GABRG2: variants seen among roughly 807,000 people sequenced by gnomAD.
GABRG2 encodes the protein gamma-aminobutyric acid receptor subunit gamma-2.
GABRG2 carries 16 observed loss-of-function variants against 56.4 expected under a neutral mutation model. The ratio of observed to expected loss-of-function variants is 0.28; its 90% CI spans 0.19 to 0.43. The LOEUF (loss-of-function observed/expected upper bound fraction) is 0.43, where lower values mean the gene tolerates loss of function less well. GABRG2 is among the 20% of genes least tolerant of loss of function. The pLI is 1.00. For synonymous variants in GABRG2, 208 were observed against 205.5 expected (o/e 1.01, Z -0.10); for missense variants, 327 against 582.7 (o/e 0.56, Z 4.52).
intron 6 of GABRG2, among the ~76,000 whole-genome samples, chr5:162,116,052 C>T (rs929921185): frequency 4.6e-5 from 7 of 151,552 alleles, no homozygotes; most frequent in Non-Finnish European, 2.9e-5. Flanking sequence ...AGACACTCAT[C>T]TTTCCTGACT....
intron 6 of GABRG2, among the ~76,000 whole-genome samples, chr5:162,127,045 AC>A (rs1378344715): frequency 1.3e-5 from 2 of 151,878 alleles, no homozygotes; most frequent in East Asian, 1.9e-4. Context: ...CTGCAAACCT[AC>A]CATCATTAGA....
chr5:162,140,426 G>T (rs572747743), intron 6 of GABRG2, among the ~76,000 whole-genome samples: 1 of 152,176 alleles, frequency 6.6e-6, no homozygotes, highest in Non-Finnish European at 1.5e-5. Flanking sequence ...TTCTATTTCA[G>T]CAGCTTTGAG....
chr5:162,150,786 C>T (rs1765313952), intron 8 of GABRG2: 1 of 152,184 alleles, frequency 6.6e-6, no homozygotes, highest in Non-Finnish European at 1.5e-5. Context: ...GACTTTGGAA[C>T]ATGGAAAGAA....
At chr5:162,069,353 A>G (rs1312506556) in intron 1 of GABRG2, among the ~76,000 whole-genome samples, 4 of 152,134 alleles carry the variant, frequency 2.6e-5, no homozygotes, top group Non-Finnish European at 4.4e-5. Flanking sequence ...ACAAACAAAA[A>G]CTAGCTATAG....
At chr5:162,148,978 C>A in intron 7 of GABRG2, 130 bp from the exon 8 acceptor site, 1 of 781,402 alleles carries the variant, frequency 1.3e-6, no homozygotes. Flanking sequence ...GAATTAAATC[C>A]ACTTATACCT....
At chr5:162,074,511 C>T (rs1394072175) in intron 1 of GABRG2, among the ~76,000 whole-genome samples, 1 of 151,922 alleles carries the variant, frequency 6.6e-6, no homozygotes, top group African/African-American at 2.4e-5. Context: ...TGCTTAAATA[C>T]ATCTAAAGAA....
intron 6 of GABRG2, among the ~76,000 whole-genome samples, chr5:162,111,439 A>G (rs974041265): frequency 1.3e-5 from 2 of 152,122 alleles, no homozygotes; most frequent in Non-Finnish European, 2.9e-5. Flanking sequence ...GAGATGGCAT[A>G]GAGAAGTTCT....
intron 6 of GABRG2, among the ~76,000 whole-genome samples, chr5:162,111,816 A>G (rs765198362): frequency 4.6e-5 from 7 of 152,150 alleles, no homozygotes; most frequent in Non-Finnish European, 8.8e-5. Flanking sequence ...AACTATTCCT[A>G]AGCTTGATTA....
At chr5:162,089,624 A>T (rs1320782314) in intron 1 of GABRG2, among the ~76,000 whole-genome samples, 2 of 152,202 alleles carry the variant, frequency 1.3e-5, no homozygotes, top group Non-Finnish European at 2.9e-5. Flanking sequence ...GAAAGGAAAC[A>T]TTAAAAATAT....
intron 5 of GABRG2, chr5:162,102,828 C>G (rs1761533848): frequency 4.4e-6 from 1 of 228,804 alleles, no homozygotes; most frequent in African/African-American, 2.3e-5. Context: ...GGGACTCTCT[C>G]TTTTTTTTCC....
chr5:162,131,913 T>A (rs1763783070), intron 6 of GABRG2, among the ~76,000 whole-genome samples: 1 of 148,510 alleles, frequency 6.7e-6, no homozygotes, highest in African/African-American at 2.4e-5. Flanking sequence ...TACCACAAAT[T>A]TGAATATGTG....
chr5:162,072,996 T>C (rs1273029236), intron 1 of GABRG2, among the ~76,000 whole-genome samples: 1 of 151,994 alleles, frequency 6.6e-6, no homozygotes, highest in East Asian at 1.9e-4. Context: ...CCATCAATAG[T>C]GTTCCTAGAA....
rs1211575143 is a variant in GABRG2 at position 162,154,115 on chromosome 5, A to C, written c.*747A>C. On this transcript the variant is annotated 3_prime_UTR_variant, in exon 10 of 10. Transcript: ENST00000639213. ...CTCCCTCATGCATGAAGATTCGAACAGCTTATTTTTTCCTTGTATGACATA... is the reference window on the plus strand; with the variant it reads ...CTCCCTCATGCATGAAGATTCGAACCGCTTATTTTTTCCTTGTATGACATA... 6.6e-6 allele frequency: 1 copy of C among 152,290 alleles called. No homozygotes were observed. Among genetic ancestry groups the C allele is most frequent in the East Asian group, 1.9e-4 (1 of 5,206 alleles). The allele number at this position is 152,290 out of a possible 1,614,324, so 9.4% of individuals were successfully genotyped here. A position where few individuals can be genotyped will look rare whatever the true frequency, so the allele number is the denominator to read the frequency against.
chr5:162,146,466 A>G (rs1764955879), intron 7 of GABRG2, among the ~76,000 whole-genome samples: 1 of 152,148 alleles, frequency 6.6e-6, no homozygotes, highest in Non-Finnish European at 1.5e-5. Flanking sequence ...TCAAAGAAAA[A>G]GATCAATAAA....
intron 9 of GABRG2, chr5:162,152,017 C>A (rs1389081483): frequency 1.6e-5 from 6 of 369,470 alleles, no homozygotes; most frequent in African/African-American, 4.2e-5. Context: ...CCATCAAAGC[C>A]AAAATGAGCT....
At chr5:162,144,945 A>G (rs750677066) in intron 7 of GABRG2, among the ~76,000 whole-genome samples, 5 of 152,232 alleles carry the variant, frequency 3.3e-5, no homozygotes, top group Non-Finnish European at 7.3e-5. Flanking sequence ...AACGTGACTT[A>G]GGAGTTAGGA....
At chr5:162,132,812 C>T (rs1763852139) in intron 6 of GABRG2, among the ~76,000 whole-genome samples, 1 of 151,950 alleles carries the variant, frequency 6.6e-6, no homozygotes, top group South Asian at 2.1e-4. Flanking sequence ...TAAAATTTCT[C>T]CTGAAATGGG....
At chr5:162,135,471 C>G (rs532218101) in intron 6 of GABRG2, among the ~76,000 whole-genome samples, 1 of 152,158 alleles carries the variant, frequency 6.6e-6, no homozygotes, top group Non-Finnish European at 1.5e-5. Flanking sequence ...GGAATTCCCT[C>G]TATGTCCCAG....
intron 6 of GABRG2, among the ~76,000 whole-genome samples, chr5:162,107,831 T>C (rs1761946949): frequency 6.6e-6 from 1 of 152,182 alleles, no homozygotes; most frequent in South Asian, 2.1e-4. Flanking sequence ...CTTATGCTTC[T>C]GAAATATCTT....
Sources: allele counts gnomAD v4.1 joint callset (sites outside exome capture counted in the v4.1 genomes callset), GRCh38; gene constraint gnomAD v4.1.1; transcripts MANE v1.5; gene names NCBI Gene and HGNC (gene_info 2026-07-23, HGNC 2026-07-21).